The following CBFB variants were observed in gnomAD, a reference collection of about 807,000 sequenced individuals.
CBFB encodes the protein core-binding factor subunit beta.
Under a neutral mutation model 30.4 loss-of-function variants are expected in CBFB, and 9 were observed. That is an observed-to-expected ratio of 0.30 (90% confidence interval 0.18 to 0.52). The LOEUF is 0.52. Ranked by LOEUF, CBFB falls within the 20% of genes least tolerant of loss-of-function variation. The pLI, the probability that CBFB is intolerant of heterozygous loss-of-function variation, is 0.97. For missense variants in CBFB, 170 were observed against 244.0 expected (o/e 0.70, Z 2.02); for synonymous variants, 94 against 84.0 (o/e 1.12, Z -0.65).
Position 67,068,173 on chromosome 16 carries a change from C to G in CBFB, c.399+1375C>G, listed in dbSNP as rs940972520. Among the ~76,000 whole-genome samples the G allele has an allele frequency of 2.6e-5, 4 of 152,288 alleles. No homozygotes were observed. The East Asian group carries it at 7.7e-4, about 29-fold the overall frequency. On this transcript the variant is annotated intron_variant, in intron 4 of 5. Coordinates refer to ENST00000412916, the MANE Select transcript of CBFB (RefSeq NM_022845.3). ...CTATGCTGATCCAGGAACAACCCCC[C>G]AGAAAGCAAGACTTAAAAAAGACAG...
At chr16:67,090,617 A>C (rs930719519) in intron 5 of CBFB, among the ~76,000 whole-genome samples, 1 of 152,196 alleles carries the variant, frequency 6.6e-6, no homozygotes, top group Admixed American at 6.5e-5. Flanking sequence ...CTTTTGACCT[A>C]AAACTGTAAT....
At chr16:67,060,337 T>C (rs1021802481) in intron 3 of CBFB, among the ~76,000 whole-genome samples, 1 of 152,146 alleles carries the variant, frequency 6.6e-6, no homozygotes, top group African/African-American at 2.4e-5. Flanking sequence ...TTTTAGAGTG[T>C]ACGATTCATT....
chr16:67,052,178 C>T (rs1399729648), intron 3 of CBFB, among the ~76,000 whole-genome samples: 2 of 152,114 alleles, frequency 1.3e-5, no homozygotes, highest in African/African-American at 4.8e-5. Context: ...CTGTGCCTGA[C>T]CCAAGATATT....
At position 67,075,864 on chromosome 16, in the gene CBFB, G is replaced by A. The variant is rs536700276; in HGVS notation, c.400-6349G>A. On this transcript the variant is annotated intron_variant, in intron 4 of 5. Transcript: ENST00000412916. The stretch of plus-strand genomic sequence containing the variant: ...GGTGCCTCACCCTTGTAATCCCAGC[G>A]CTTTGGGAGGCCAAGGCAGGAGGGT... 5.7e-3 allele frequency among the ~76,000 whole-genome samples: 868 copies of A among 152,112 alleles called. 3 individuals are homozygous for A. The highest frequency in any genetic ancestry group is 0.02 in the African/African-American group (810 of 41,496).
rs1329982618 is a variant in CBFB at position 67,085,859 on chromosome 16, T to A, written c.495+3551T>A. Among the ~76,000 whole-genome samples the A allele has an allele frequency of 8.6e-5, 13 of 151,426 alleles. No homozygotes were observed. The East Asian group carries it at 2.5e-3, about 30-fold the overall frequency. ...TGCCCGGCTAATTTTTTGTATTTTT[T>A]AGTAGAGACGGGGTTTCACCGTGTT... On this transcript the variant is annotated intron_variant, in intron 5 of 5. Coordinates refer to ENST00000412916, the MANE Select transcript of CBFB (RefSeq NM_022845.3).
chr16:67,054,928 G>GTTT (rs1229164444), intron 3 of CBFB, among the ~76,000 whole-genome samples: 2 of 138,142 alleles, frequency 1.4e-5, no homozygotes, highest in African/African-American at 3.1e-5. Context: ...CTAATTTTTT[G>GTTT]TATTTTTTTT....
intron 4 of CBFB, among the ~76,000 whole-genome samples, chr16:67,076,019 C>T (rs1017626881): frequency 2.0e-5 from 3 of 152,152 alleles, no homozygotes; most frequent in African/African-American, 7.2e-5. Context: ...ATCACAAGGT[C>T]AGGAGTTCGA....
chr16:67,059,819 G>A (rs1405179357), intron 3 of CBFB, among the ~76,000 whole-genome samples: 1 of 151,986 alleles, frequency 6.6e-6, no homozygotes, highest in Non-Finnish European at 1.5e-5. Flanking sequence ...TATTGTTGAT[G>A]GCTGCCAGAT....
intron 4 of CBFB, among the ~76,000 whole-genome samples, chr16:67,071,394 T>G (rs1567617500): frequency 6.6e-6 from 1 of 152,136 alleles, no homozygotes; most frequent in Non-Finnish European, 1.5e-5. Context: ...GTAGGGTTAG[T>G]GTCCTTAAGA....
intron 3 of CBFB, among the ~76,000 whole-genome samples, chr16:67,057,548 C>A (rs1555536470): frequency 2.6e-5 from 4 of 152,172 alleles, no homozygotes; most frequent in Non-Finnish European, 5.9e-5. Context: ...TACCCTCCCC[C>A]TGACAATGTA....
At position 67,100,234 on chromosome 16, in the gene CBFB, A is replaced by G. The variant is rs575301750; in HGVS notation, c.*1456A>G. ...AAAGGGTGAAAAACTGACACAGTCA[A>G]TTCAGAAAATGGACTGAAGTCTGAA... is the stretch of plus-strand genomic sequence containing the variant. On this transcript the variant is annotated 3_prime_UTR_variant, in exon 6 of 6. Coordinates refer to ENST00000412916, the MANE Select transcript of CBFB (RefSeq NM_022845.3). 41 of 218,088 alleles carry G rather than the reference A, an allele frequency of 1.9e-4. No homozygotes were observed. Among genetic ancestry groups the G allele is most frequent in the African/African-American group, 9.0e-4 (40 of 44,678 alleles). The allele number at this position is 218,088 out of a possible 1,614,324, so 13.5% of individuals were successfully genotyped here.
At chr16:67,053,398 C>T (rs1260894825) in intron 3 of CBFB, among the ~76,000 whole-genome samples, 1 of 151,422 alleles carries the variant, frequency 6.6e-6, no homozygotes, top group Admixed American at 6.6e-5. Context: ...GGACTACGGG[C>T]CCCCTCACCA....
intron 3 of CBFB, among the ~76,000 whole-genome samples, chr16:67,054,070 A>C (rs568429899): frequency 6.6e-6 from 1 of 151,934 alleles, no homozygotes; most frequent in Non-Finnish European, 1.5e-5. Flanking sequence ...ATTGTCCTCT[A>C]TATCCAGCGC....
intron 2 of CBFB, 50 bp downstream of exon 2, chr16:67,029,863 G>T: frequency 7.1e-7 from 1 of 1,408,628 alleles, no homozygotes; most frequent in East Asian, 2.7e-5. Flanking sequence ...GCGCGGGGCC[G>T]CGGCGGCCCA....
At chr16:67,035,268 A>G (rs992770525) in intron 2 of CBFB, among the ~76,000 whole-genome samples, 1 of 152,104 alleles carries the variant, frequency 6.6e-6, no homozygotes, top group Non-Finnish European at 1.5e-5. Flanking sequence ...TATTTTTAGT[A>G]GAGACAGGGT....
At position 67,029,188 on chromosome 16, in the gene CBFB, A is replaced by AGGCGGCGGC. The variant is rs557593884; in HGVS notation, c.-203_-195dup. 2.6e-3 allele frequency: 504 copies of AGGCGGCGGC among 192,876 alleles called. 2 individuals carry two copies. The highest frequency in any genetic ancestry group is 0.011 in the African/African-American group (429 of 39,886). 11.9% of individuals were successfully genotyped at this position (192,876 alleles called of 1,614,324 possible). A position where few individuals can be genotyped will look rare whatever the true frequency, so the allele number is the denominator to read the frequency against. On this transcript the variant is annotated 5_prime_UTR_variant, in exon 1 of 6. Coordinates refer to ENST00000412916, the MANE Select transcript of CBFB (RefSeq NM_022845.3). ...CTGCGCGGGCGGCAGGCAACGGCTGAGGCGGCGGCGGCGGCGGCGGCGGCG... is the reference window on the plus strand; with the variant it reads ...CTGCGCGGGCGGCAGGCAACGGCTGAGGCGGCGGCGGCGGCGGCGGCGGCGGCGGCGGCG...
chr16:67,078,608 A>G (rs1261477916), intron 4 of CBFB, among the ~76,000 whole-genome samples: 26 of 152,136 alleles, frequency 1.7e-4, no homozygotes, highest in Non-Finnish European at 2.9e-5. Flanking sequence ...AGGCTACCAA[A>G]TATCTCCTGG....
At chr16:67,039,419 G>A (rs1464073446) in intron 3 of CBFB, among the ~76,000 whole-genome samples, 1 of 152,172 alleles carries the variant, frequency 6.6e-6, no homozygotes, top group African/African-American at 2.4e-5. Context: ...AGTGGTGAAT[G>A]AATGTGATTC....
chr16:67,048,741 G>A (rs1966676992), intron 3 of CBFB, among the ~76,000 whole-genome samples: 1 of 150,076 alleles, frequency 6.7e-6, no homozygotes, highest in African/African-American at 2.5e-5. Context: ...TTTTAGTAGA[G>A]ACGGGTTTTC....
Sources: gnomAD v4.1 joint callset for allele counts (sites outside exome capture counted in the v4.1 genomes callset) on GRCh38, gnomAD v4.1.1 for gene constraint, MANE v1.5 for transcripts, NCBI Gene and HGNC (gene_info 2026-07-23, HGNC 2026-07-21) for gene names.